DDX10: variants seen among roughly 807,000 people sequenced by gnomAD.
DDX10 encodes probable ATP-dependent RNA helicase DDX10.
Under a neutral mutation model 104.3 loss-of-function variants are expected in DDX10, and 74 were observed. That is an observed-to-expected ratio of 0.71 (90% CI 0.59 to 0.86). DDX10 has a LOEUF of 0.86. Among genes scored for constraint, DDX10 ranks in the 40% least tolerant of loss-of-function variants. The pLI, the probability that DDX10 is intolerant of heterozygous loss-of-function variation, is 0.00. For missense variants in DDX10, 952 were observed against 1,040.0 expected, an observed-to-expected ratio of 0.92 and a Z score of 1.16; for synonymous variants, 351 against 353.4, an observed-to-expected ratio of 0.99 and a Z score of 0.08.
chr11:108,692,837 C>T (rs1481777212), intron 8 of DDX10, among the ~76,000 whole-genome samples: 1 of 152,218 alleles, frequency 6.6e-6, no homozygotes, highest in Non-Finnish European at 1.5e-5. Flanking sequence ...GATACTCCCA[C>T]CTCAGCTTCC....
chr11:108,666,157 T>G (rs940006790), intron 1 of DDX10, among the ~76,000 whole-genome samples: 6 of 152,216 alleles, frequency 3.9e-5, no homozygotes, highest in Non-Finnish European at 5.9e-5. Context: ...AGCCCCCTTC[T>G]AGTGCAGTAC....
intron 13 of DDX10, among the ~76,000 whole-genome samples, chr11:108,760,167 TC>T (rs113505298): frequency 0.048 from 7,276 of 151,614 alleles, 506 homozygotes; most frequent in African/African-American, 0.15. Context: ...GTGGGTTGAT[TC>T]CCCCCCCACC....
Position 108,665,359 on chromosome 11 carries a change from G to C in DDX10, c.186+20G>C, listed in dbSNP as rs757540262. 4 of 1,548,944 alleles carry C rather than the reference G, an allele frequency of 2.6e-6. No homozygotes were observed. The highest frequency in any genetic ancestry group is 3.5e-6 in the Non-Finnish European group (4 of 1,146,578). ...GAAAAGGTGAGGCCGGCGCTGGGGA[G>C]GGGGCTCGGGCCGGCCAGCAGCGGG... On this transcript the variant is annotated intron_variant, in intron 1 of 17. Coordinates refer to ENST00000322536, the MANE Select transcript of DDX10 (RefSeq NM_004398.4).
At chr11:108,822,271 G>A in intron 13 of DDX10, 1 of 227,108 alleles carries the variant, frequency 4.4e-6, no homozygotes, top group Non-Finnish European at 8.7e-6. Context: ...ATTAAATTAT[G>A]GTACACATAA....
chr11:108,728,023 A>G (rs547355813), intron 13 of DDX10, among the ~76,000 whole-genome samples: 1 of 152,138 alleles, frequency 6.6e-6, no homozygotes, highest in African/African-American at 2.4e-5. Flanking sequence ...AAGTTGGGGG[A>G]AAAAAGTCCT....
At chr11:108,904,679 C>T (rs1863566701) in intron 16 of DDX10, among the ~76,000 whole-genome samples, 1 of 151,518 alleles carries the variant, frequency 6.6e-6, no homozygotes, top group African/African-American at 2.4e-5. Flanking sequence ...AAACCCATCT[C>T]CTCTGTTTAT....
chr11:108,804,087 C>G (rs1862063764), intron 13 of DDX10, among the ~76,000 whole-genome samples: 1 of 152,104 alleles, frequency 6.6e-6, no homozygotes, highest in Non-Finnish European at 1.5e-5. Context: ...TGACCTGGTT[C>G]TTGTAGCTAA....
chr11:108,788,098 C>T (rs550743415), intron 13 of DDX10, among the ~76,000 whole-genome samples: 5 of 152,278 alleles, frequency 3.3e-5, no homozygotes, highest in African/African-American at 1.2e-4. Flanking sequence ...GATGCGCTTC[C>T]TTGCCATCCA....
chr11:108,845,114 A>G (rs1024513724), intron 15 of DDX10, among the ~76,000 whole-genome samples: 1 of 152,120 alleles, frequency 6.6e-6, no homozygotes, highest in African/African-American at 2.4e-5. Context: ...AGGCTGAGGC[A>G]GGAGAATGGC....
At position 108,831,228 on chromosome 11, in the gene DDX10, A is replaced by G. The variant is rs185876816; in HGVS notation, c.1966-7218A>G. 1.4e-3 allele frequency among the ~76,000 whole-genome samples: 211 copies of G among 151,974 alleles called. 2 individuals are homozygous for G. The highest frequency in any genetic ancestry group is 4.9e-3 in the African/African-American group (203 of 41,438). The stretch of plus-strand genomic sequence containing the variant: ...AGACCATCCTGGCCAACATGGTGAA[A>G]CCCCATCTCTACAAAAAATATAAAA... On this transcript the variant is annotated intron_variant, in intron 13 of 17. Transcript: ENST00000322536.
At chr11:108,769,410 G>A (rs1266350330) in intron 13 of DDX10, among the ~76,000 whole-genome samples, 2 of 151,662 alleles carry the variant, frequency 1.3e-5, no homozygotes, top group African/African-American at 2.4e-5. Flanking sequence ...ATTTTTCATT[G>A]CAATAAGTTA....
chr11:108,736,253 T>G (rs1431992424), intron 13 of DDX10, among the ~76,000 whole-genome samples: 1 of 152,028 alleles, frequency 6.6e-6, no homozygotes, highest in African/African-American at 2.4e-5. Flanking sequence ...TGTATTCTTC[T>G]GTTTGTTTCT....
At chr11:108,770,644 C>T (rs1293385487) in intron 13 of DDX10, among the ~76,000 whole-genome samples, 1 of 151,996 alleles carries the variant, frequency 6.6e-6, no homozygotes, top group African/African-American at 2.4e-5. Flanking sequence ...TGGCTTATTT[C>T]ACTTAACATA....
intron 13 of DDX10, among the ~76,000 whole-genome samples, chr11:108,802,458 G>T (rs1862035415): frequency 6.6e-6 from 1 of 152,094 alleles, no homozygotes; most frequent in Non-Finnish European, 1.5e-5. Context: ...TTAGTCTTTT[G>T]TTTATGCATA....
intron 13 of DDX10, among the ~76,000 whole-genome samples, chr11:108,790,751 GTC>G (rs1253370589): frequency 6.6e-6 from 1 of 151,406 alleles, no homozygotes; most frequent in Non-Finnish European, 1.5e-5. Context: ...CCACTTCATG[GTC>G]TCTCTTTTTG....
intron 13 of DDX10, among the ~76,000 whole-genome samples, chr11:108,735,012 G>A (rs2094316656): frequency 2.0e-5 from 3 of 152,170 alleles, no homozygotes; most frequent in African/African-American, 7.2e-5. Context: ...GACTGTCTTT[G>A]TGATGGCACT....
intron 13 of DDX10, among the ~76,000 whole-genome samples, chr11:108,774,955 A>G (rs2094367992): frequency 6.6e-6 from 1 of 152,212 alleles, no homozygotes; most frequent in Non-Finnish European, 1.5e-5. Context: ...GGTGGCCGGC[A>G]GCATATTGAC....
intron 10 of DDX10, among the ~76,000 whole-genome samples, chr11:108,715,333 G>C (rs2094289995): frequency 6.6e-6 from 1 of 152,148 alleles, no homozygotes; most frequent in Non-Finnish European, 1.5e-5. Flanking sequence ...GGGCAAAACA[G>C]TGAGACCATG....
At chr11:108,834,432 A>G (rs1230136570) in intron 13 of DDX10, among the ~76,000 whole-genome samples, 2 of 152,114 alleles carry the variant, frequency 1.3e-5, no homozygotes, top group East Asian at 3.9e-4. Flanking sequence ...ACAGAAATTT[A>G]TATACAATGA....
Sources: gnomAD v4.1 joint callset for allele counts (sites outside exome capture counted in the v4.1 genomes callset) on GRCh38, gnomAD v4.1.1 for gene constraint, MANE v1.5 for transcripts, NCBI Gene and HGNC (gene_info 2026-07-23, HGNC 2026-07-21) for gene names.